ELAPOR1: variants seen among roughly 807,000 people sequenced by gnomAD.
ELAPOR1 encodes the protein endosome/lysosome-associated apoptosis and autophagy regulator 1.
ELAPOR1 carries 77 observed loss-of-function variants against 119.7 expected under a neutral mutation model. The observed-to-expected ratio is 0.64, with a 90% confidence interval of 0.54 to 0.78. The LOEUF (loss-of-function observed/expected upper bound fraction) is 0.78. ELAPOR1 is among the 30% of genes least tolerant of loss of function. The probability of loss-of-function intolerance (pLI) is 0.00; values close to 1 mark genes in which losing one functional copy is unlikely to be tolerated. For synonymous variants in ELAPOR1, 481 were observed against 487.2 expected (o/e 0.99, Z 0.17); for missense variants, 1,115 against 1,270.4 (o/e 0.88, Z 1.86).
At chr1:109,173,651 T>A in intron 6 of ELAPOR1, 37 bp from the exon 7 acceptor site, 1 of 1,613,508 alleles carries the variant, frequency 6.2e-7, no homozygotes, top group Non-Finnish European at 8.5e-7. Context: ...GTCTCCAGGC[T>A]GAATCCTTGC....
intron 1 of ELAPOR1, among the ~76,000 whole-genome samples, chr1:109,155,422 C>T (rs1466744294): frequency 2.0e-5 from 3 of 152,152 alleles, no homozygotes; most frequent in African/African-American, 4.8e-5. Flanking sequence ...TCGTGATCCA[C>T]TCGCCTTGGC....
chr1:109,116,687 T>C (rs1648030426), intron 1 of ELAPOR1, among the ~76,000 whole-genome samples: 1 of 115,350 alleles, frequency 8.7e-6, no homozygotes, highest in Non-Finnish European at 1.8e-5. Context: ...GTTCTTTTTT[T>C]TTTTTTTTTT....
In ELAPOR1 at chr1:109,120,791, G is replaced by A. The variant is rs374479214; in HGVS notation, c.153+6455G>A. On this transcript the variant is annotated intron_variant, in intron 1 of 21. Coordinates refer to ENST00000369939, the MANE Select transcript of ELAPOR1 (RefSeq NM_020775.5). Reference sequence around the variant, plus strand: ...TTTCAGTTTTGTAATCTGATGTGTCGCAGGTGGGATGAGTTTTCTTCTATT... The same window carrying A: ...TTTCAGTTTTGTAATCTGATGTGTCACAGGTGGGATGAGTTTTCTTCTATT... Among the ~76,000 whole-genome samples, 10 of 152,040 alleles carry A rather than the reference G, an allele frequency of 6.6e-5. No homozygotes were observed. The East Asian group carries it at 7.7e-4, about 12-fold the overall frequency.
chr1:109,144,061 A>ATATATTTTTTTTT, intron 1 of ELAPOR1, among the ~76,000 whole-genome samples: 11 of 88,984 alleles, frequency 1.2e-4, no homozygotes, highest in African/African-American at 4.3e-4. Context: ...ATATTTATAT[A>ATATATTTTTTTTT]TTTTTTTTTT....
In ELAPOR1 at chr1:109,129,584, T is replaced by C. The variant is rs147230600; in HGVS notation, c.153+15248T>C. The stretch of plus-strand genomic sequence containing the variant: ...CAACTTTGATGGAACACACAGCCTT[T>C]AAGGGAACAAGTGGTTGCCAGCAGT... On this transcript the variant is annotated intron_variant, in intron 1 of 21. Transcript: ENST00000369939. 3.6e-3 allele frequency among the ~76,000 whole-genome samples: 548 copies of C among 152,266 alleles called. 10 individuals carry two copies. The highest frequency in any genetic ancestry group is 0.026 in the Admixed American group (398 of 15,300).
chr1:109,197,905 A>C, intron 16 of ELAPOR1, 74 bp from the exon 17 acceptor site: 1 of 1,274,106 alleles, frequency 7.8e-7, no homozygotes, highest in Non-Finnish European at 1.1e-6. Context: ...GGATGTTGAC[A>C]GGTATTGGAA....
chr1:109,159,831 C>T (rs866997646), intron 1 of ELAPOR1, among the ~76,000 whole-genome samples: 2 of 152,228 alleles, frequency 1.3e-5, no homozygotes, highest in Non-Finnish European at 2.9e-5. Flanking sequence ...AAAAGACCAG[C>T]ATGAATATGT....
chr1:109,151,872 CT>C (rs550341597), intron 1 of ELAPOR1, among the ~76,000 whole-genome samples: 9,078 of 121,026 alleles, frequency 0.075, 781 homozygotes, highest in African/African-American at 0.25. Context: ...CAGCCTCATC[CT>C]TTTTTTTTTT....
Position 109,147,979 on chromosome 1 carries a change from G to A in ELAPOR1, c.154-13915G>A, listed in dbSNP as rs1393584026. Among the ~76,000 whole-genome samples the A allele has an allele frequency of 1.5e-3, 216 of 146,790 alleles. 1 individual carries two copies. The highest frequency in any genetic ancestry group is 7.2e-3 in the Middle Eastern group (2 of 278). On this transcript the variant is annotated intron_variant, in intron 1 of 21. Transcript: ENST00000369939. ...CAAGTAGCTGGGACTACAGGTGCCC[G>A]CCACCACGCCCGGCTAATTTTTTTT...
intron 1 of ELAPOR1, among the ~76,000 whole-genome samples, chr1:109,141,776 C>G (rs1187216251): frequency 2.0e-5 from 3 of 152,026 alleles, no homozygotes; most frequent in Non-Finnish European, 4.4e-5. Context: ...CATGATCCTC[C>G]TACCTCAGCC....
Position 109,191,408 on chromosome 1 carries a change from G to A in ELAPOR1, c.1482G>A (p.Val494=). ...SVMADTENKE[V]ARITFVFETL... ...TGGCAGACACAGAGAATAAAGAGGT[G>A]GCCAGAATCACATTTGTCTTTGAGA... The change falls in exon 12 of 22, where the codon GTG becomes GTA. Residue 494 remains valine (V), a synonymous_variant. Coordinates refer to ENST00000369939, the MANE Select transcript of ELAPOR1 (RefSeq NM_020775.5). The A allele has an allele frequency of 6.2e-7, 1 of 1,614,118 alleles. No homozygotes were observed. Among genetic ancestry groups the A allele is most frequent in the Non-Finnish European group, 8.5e-7 (1 of 1,179,998 alleles).
In ELAPOR1 at chr1:109,200,094, C is replaced by A. The variant is rs767275581; in HGVS notation, c.2664C>A (p.Cys888Ter). ...ACGTGTGGCGAGAACCCAAGCTATG[C>A]TCTGGTGGCATTTCTCTGCCTGAGC... ...TTYVWREPKLCSGGISLPEQR... is the reference protein window; with the variant it reads ...TTYVWREPKL The change falls in exon 20 of 22, where the codon TGC (cysteine) becomes TGA (stop). Residue 888 changes from cysteine to a stop codon, truncating the protein, a stop_gained. Coordinates refer to ENST00000369939, the MANE Select transcript of ELAPOR1 (RefSeq NM_020775.5). LOFTEE classifies it high-confidence loss of function. 1 of 1,614,210 alleles carries A rather than the reference C, an allele frequency of 6.2e-7. No homozygotes were observed. Among genetic ancestry groups the A allele is most frequent in the South Asian group, 1.1e-5 (1 of 91,076 alleles).
chr1:109,174,207 G>A (rs1652102545), intron 7 of ELAPOR1, among the ~76,000 whole-genome samples: 1 of 150,562 alleles, frequency 6.6e-6, no homozygotes, highest in African/African-American at 2.4e-5. Context: ...TATAGAGACA[G>A]GGGTCTTGCT....
intron 1 of ELAPOR1, among the ~76,000 whole-genome samples, chr1:109,127,693 T>G (rs1648879501): frequency 1.3e-5 from 2 of 151,970 alleles, no homozygotes; most frequent in South Asian, 4.1e-4. Flanking sequence ...TTAGCCTGAG[T>G]AGCTGGAATT....
rs779297983 is a variant in ELAPOR1 at position 109,198,723 on chromosome 1, C to G, written c.2501+49C>G. The G allele has an allele frequency of 7.4e-6, 11 of 1,482,154 alleles. No individual in the cohort carries two copies. In the African/African-American group the frequency reaches 9.7e-5, roughly 13 times the overall value. 91.8% of individuals were successfully genotyped at this position (1,482,154 alleles called of 1,614,324 possible). A position where few individuals can be genotyped will look rare whatever the true frequency, so the allele number is the denominator to read the frequency against. ...CAAAGGCCAAAATCTCCCTTGAAGT[C>G]ATTCCATCCTGAGATCCAGAGATTA... On this transcript the variant is annotated intron_variant, in intron 18 of 21. Transcript: ENST00000369939.
chr1:109,169,610 G>A (rs1318862432), intron 3 of ELAPOR1, among the ~76,000 whole-genome samples: 4 of 152,128 alleles, frequency 2.6e-5, no homozygotes, highest in Admixed American at 1.3e-4. Flanking sequence ...GTGCAATAGC[G>A]TGAGTGTTTT....
At chr1:109,126,144 T>C (rs988722568) in intron 1 of ELAPOR1, among the ~76,000 whole-genome samples, 3 of 152,194 alleles carry the variant, frequency 2.0e-5, no homozygotes, top group Non-Finnish European at 4.4e-5. Context: ...TGATGAGAGA[T>C]TATTTCAAGG....
At chr1:109,133,355 C>CA (rs10708270) in intron 1 of ELAPOR1, among the ~76,000 whole-genome samples, 1,551 of 138,122 alleles carry the variant, frequency 0.011, 14 homozygotes, top group African/African-American at 0.024. Flanking sequence ...AAGTAGAAGC[C>CA]AAAAAAAAAA....
At chr1:109,158,326 T>C (rs971501290) in intron 1 of ELAPOR1, among the ~76,000 whole-genome samples, 9 of 151,268 alleles carry the variant, frequency 5.9e-5, no homozygotes, top group Admixed American at 2.0e-4. Context: ...TTTTTTTTTT[T>C]GGTCATTTCA....
Sources: gnomAD v4.1 joint callset for allele counts (sites outside exome capture counted in the v4.1 genomes callset) on GRCh38, gnomAD v4.1.1 for gene constraint, MANE v1.5 for transcripts, NCBI Gene and HGNC (gene_info 2026-07-23, HGNC 2026-07-21) for gene names.